The following ECPAS variants were observed in gnomAD, a reference collection of about 807,000 sequenced individuals.
ECPAS encodes proteasome adapter and scaffold protein ECM29.
In ECPAS, 70 loss-of-function variants were observed where a neutral mutation model predicts 255.1. The observed-to-expected ratio is 0.27, with a 90% CI of 0.23 to 0.33. ECPAS has a LOEUF of 0.33. Among genes scored for constraint, ECPAS ranks in the 10% least tolerant of loss-of-function variants. The pLI is 1.00. For missense variants in ECPAS, 1,817 were observed against 2,206.4 expected (o/e 0.82, Z 3.54); for synonymous variants, 784 against 775.0 (o/e 1.01, Z -0.19).
chr9:111,483,955 CCTCG>C (rs1367210760), intron 1 of ECPAS, 157 bp downstream of exon 1: 9 of 972,954 alleles, frequency 9.3e-6, no homozygotes, highest in East Asian at 1.1e-4. Context: ...GCCCGCCCGC[CCTCG>C]CTCGCTCGCG....
At position 111,389,586 on chromosome 9, in the gene ECPAS, A is replaced by G. The variant is rs1412623261; in HGVS notation, c.3417T>C (p.Ile1139=). The G allele has an allele frequency of 3.1e-6, 5 of 1,613,766 alleles. No homozygotes were observed. The highest frequency in any genetic ancestry group is 4.2e-6 in the Non-Finnish European group (5 of 1,179,774). ...NLGIRQAMTS[I]WNALVTDKSM... ...ATTTGTCAGTGACCAACGCATTCCAAATACTTGTCATGGCCTGTCGAATGC... is the reference window on the plus strand; with the variant it reads ...ATTTGTCAGTGACCAACGCATTCCAGATACTTGTCATGGCCTGTCGAATGC... The change falls in exon 31 of 50, where the codon ATT becomes ATC. Residue 1139 remains isoleucine, a synonymous_variant. Coordinates refer to ENST00000684092, the MANE Select transcript of ECPAS (RefSeq NM_001364929.1).
In ECPAS at chr9:111,455,625, A is replaced by C. The variant is rs577703617; in HGVS notation, c.23-4070T>G. Among the ~76,000 whole-genome samples the C allele has an allele frequency of 2.6e-5, 4 of 152,338 alleles. No individual in the cohort carries two copies. The South Asian group carries it at 8.3e-4, about 32-fold the overall frequency. On this transcript the variant is annotated intron_variant, in intron 2 of 49. Transcript: ENST00000684092. ...TTCATTGTGCCTGTCTGTGCAAATA[A>C]TATTGTTTATGCTGAACATCAGCTT...
intron 24 of ECPAS, among the ~76,000 whole-genome samples, chr9:111,399,543 A>C (rs960299743): frequency 5.9e-5 from 9 of 152,216 alleles, no homozygotes; most frequent in Admixed American, 6.5e-5. Context: ...ACTTAGACCA[A>C]ATCTGGGCCA....
chr9:111,403,431 T>A (rs1197753350), intron 24 of ECPAS, among the ~76,000 whole-genome samples: 1 of 135,848 alleles, frequency 7.4e-6, no homozygotes. Context: ...GATACTTCCA[T>A]GCAAATGAAA....
chr9:111,380,453 T>C (rs983087082), intron 35 of ECPAS, among the ~76,000 whole-genome samples: 1 of 152,236 alleles, frequency 6.6e-6, no homozygotes, highest in East Asian at 1.9e-4. Flanking sequence ...CCAGACTTTG[T>C]TGTTCCATTT....
rs2098124305 is a variant in ECPAS, at chr9:111,369,159, G to A, written c.4989C>T (p.Ser1663=). The change falls in exon 46 of 50, where the codon AGC becomes AGT. Residue 1663 remains serine, a synonymous_variant. Transcript: ENST00000684092. ...IPLIKKNSLE[S]SGVRTTKNEE... ...CATTTTTGGTTGTCCGGACCCCACT[G>A]CTTTCAAGTGAGTTCTAGGATATAT... 4 of 1,583,078 alleles carry A rather than the reference G, an allele frequency of 2.5e-6. No homozygotes were observed. The highest frequency in any genetic ancestry group is 3.4e-4 in the Middle Eastern group (2 of 5,896).
intron 7 of ECPAS, among the ~76,000 whole-genome samples, chr9:111,435,897 C>T (rs892811606): frequency 2.7e-5 from 4 of 147,666 alleles, no homozygotes; most frequent in African/African-American, 5.0e-5. Context: ...ACCATGTTAG[C>T]CAGGATGGTC....
intron 46 of ECPAS, among the ~76,000 whole-genome samples, chr9:111,367,049 T>C (rs1412480061): frequency 6.6e-6 from 1 of 152,214 alleles, no homozygotes; most frequent in Non-Finnish European, 1.5e-5. Context: ...AGCTCCTCTC[T>C]AGATGCTCAC....
intron 13 of ECPAS, among the ~76,000 whole-genome samples, chr9:111,422,580 G>A (rs2098215668): frequency 6.6e-6 from 1 of 152,094 alleles, no homozygotes; most frequent in Non-Finnish European, 1.5e-5. Context: ...CACTGATCTG[G>A]GGTGGCTTTC....
In ECPAS at chr9:111,484,236, G is replaced by T. The variant is rs551507619; in HGVS notation, c.-203C>A. ...AGCCGCGCGCCGCAGTCCGTGAGGG[G>T]CTGGGCCGAGCGGGCCCGGGCTGCC... is the stretch of plus-strand genomic sequence containing the variant. On this transcript the variant is annotated 5_prime_UTR_variant, in exon 1 of 50. Coordinates refer to ENST00000684092, the MANE Select transcript of ECPAS (RefSeq NM_001364929.1). The T allele has an allele frequency of 8.5e-5, 126 of 1,475,458 alleles. No individual in the cohort carries two copies. In the East Asian group the frequency reaches 2.7e-3, roughly 32 times the overall value. 91.4% of individuals were successfully genotyped at this position (1,475,458 alleles called of 1,614,324 possible).
intron 6 of ECPAS, among the ~76,000 whole-genome samples, chr9:111,437,317 A>G (rs1036162603): frequency 1.3e-5 from 2 of 152,200 alleles, no homozygotes; most frequent in Admixed American, 6.5e-5. Flanking sequence ...ACGTCATTTA[A>G]CTTGGTTACA....
At chr9:111,424,550 T>C (rs2098218672) in intron 12 of ECPAS, among the ~76,000 whole-genome samples, 1 of 100,188 alleles carries the variant, frequency 1.0e-5, no homozygotes, top group Non-Finnish European at 2.0e-5. Flanking sequence ...TTGGAGATAT[T>C]ATAGTAAGAG....
intron 23 of ECPAS, among the ~76,000 whole-genome samples, chr9:111,409,551 C>T (rs745867368): frequency 3.4e-5 from 5 of 146,530 alleles, no homozygotes; most frequent in Non-Finnish European, 7.5e-5. Context: ...GCAGCAAGAG[C>T]AAAACTCCAT....
rs1385359934 is a variant in ECPAS, at chr9:111,386,414, T to A, written c.3490A>T (p.Asn1164Tyr). 6.2e-7 allele frequency: 1 copy of A among 1,604,044 alleles called. No homozygotes were observed. Among genetic ancestry groups the A allele is most frequent in the East Asian group, 2.2e-5 (1 of 44,840 alleles). Residue 1164 changes from asparagine to tyrosine, a missense_variant, in exon 32 of 50, where the codon AAC (asparagine) becomes TAC (tyrosine). Around this residue, in one of 4 missense-constraint regions of ECPAS, gnomAD observed 960 missense variants for 1,179.0 expected, o/e 0.81. Transcript: ENST00000684092. ...ACTCGCCACATATTGCTTGTAAGGTTCTTAACCAAATCTTGAAGAATTTCT... is the reference window on the plus strand; with the variant it reads ...ACTCGCCACATATTGCTTGTAAGGTACTTAACCAAATCTTGAAGAATTTCT... ...LKEILQDLVK[N>Y]LTSNMWRVRE...
intron 12 of ECPAS, among the ~76,000 whole-genome samples, chr9:111,423,665 G>A (rs1028417991): frequency 2.6e-5 from 4 of 152,038 alleles, no homozygotes; most frequent in Non-Finnish European, 4.4e-5. Flanking sequence ...AGGATCCTCC[G>A]TCTCTCACCA....
chr9:111,427,972 A>G lies in ECPAS; in HGVS notation c.1050+70T>C. 3 of 1,431,722 alleles carry G rather than the reference A, an allele frequency of 2.1e-6. No homozygotes were observed. In the Admixed American group the frequency reaches 6.2e-5, roughly 30 times the overall value. 88.7% of individuals were successfully genotyped at this position (1,431,722 alleles called of 1,614,324 possible). A position where few individuals can be genotyped will look rare whatever the true frequency, so the allele number is the denominator to read the frequency against. ...CTACCCACTGAATATCCATTAACAC[A>G]GTTCTTTCTCTAATTAAATAGACAT... On this transcript the variant is annotated intron_variant, in intron 10 of 49. Transcript: ENST00000684092.
intron 15 of ECPAS, among the ~76,000 whole-genome samples, chr9:111,421,632 T>C (rs1053982811): frequency 3.9e-5 from 6 of 152,118 alleles, no homozygotes; most frequent in African/African-American, 1.2e-4. Context: ...CAGCGGACAG[T>C]AGTGCTCAGC....
Position 111,366,624 on chromosome 9 carries a change from C to A in ECPAS, c.5117G>T (p.Cys1706Phe). Residue 1706 changes from cysteine to phenylalanine, a missense_variant, in exon 47 of 50, where the codon TGT becomes TTT. This residue lies in a region of ECPAS where 960 missense variants were observed against 1,179.0 expected (regional missense o/e 0.81). Coordinates refer to ENST00000684092, the MANE Select transcript of ECPAS (RefSeq NM_001364929.1). ...AWPRNAETQR[C>F]YRQELCKLMC... ...CAGTTTGCACAGCTCCTGACGATAA[C>A]AACCTGGGAAAAAAAGACAAGGTGG... 1 of 1,610,812 alleles carries A rather than the reference C, an allele frequency of 6.2e-7. No individual in the cohort carries two copies. Among genetic ancestry groups the A allele is most frequent in the Non-Finnish European group, 8.5e-7 (1 of 1,177,906 alleles).
chr9:111,483,205 G>A (rs1038484175), intron 1 of ECPAS, among the ~76,000 whole-genome samples: 3 of 152,034 alleles, frequency 2.0e-5, no homozygotes, highest in African/African-American at 7.2e-5. Flanking sequence ...GAGGCTCAGT[G>A]GGCAGGGGGC....
Sources: allele counts gnomAD v4.1 joint callset (sites outside exome capture counted in the v4.1 genomes callset), GRCh38; gene constraint gnomAD v4.1.1; regional missense constraint gnomAD v4.1.1; transcripts MANE v1.5; gene names NCBI Gene and HGNC (gene_info 2026-07-23, HGNC 2026-07-21).